The following GRK3 variants were observed in gnomAD, a reference collection of about 807,000 sequenced individuals.
GRK3 encodes the protein G protein-coupled receptor kinase 3, also known as adrenergic, beta, receptor kinase 2.
In GRK3, 54 loss-of-function variants were observed where a neutral mutation model predicts 95.7. That is an observed-to-expected ratio of 0.56 (90% CI 0.45 to 0.71). The LOEUF (loss-of-function observed/expected upper bound fraction) is 0.71. Among genes scored for constraint, GRK3 ranks in the 30% least tolerant of loss-of-function variants. The pLI, the probability that GRK3 is intolerant of heterozygous loss-of-function variation, is 0.00. For synonymous variants in GRK3, 281 were observed against 290.8 expected (o/e 0.97, Z 0.34); for missense variants, 649 against 851.2 (o/e 0.76, Z 2.96).
At position 25,674,508 on chromosome 22, in the gene GRK3, G is replaced by T; in HGVS notation, c.627G>T (p.Arg209Ser). ...RGGFGEVYGC[R>S]KADTGKMYAM... ...GATTCGGGGAAGTTTATGGTTGCAGGAAAGCAGACACTGGAAAAATGTAAG... is the reference window on the plus strand; with the variant it reads ...GATTCGGGGAAGTTTATGGTTGCAGTAAAGCAGACACTGGAAAAATGTAAG... Residue 209 changes from arginine to serine, a missense_variant, in exon 8 of 21, where the codon AGG becomes AGT. Transcript: ENST00000324198. The T allele has an allele frequency of 6.2e-7, 1 of 1,613,562 alleles. No homozygotes were observed. The highest frequency in any genetic ancestry group is 8.5e-7 in the Non-Finnish European group (1 of 1,179,486).
chr22:25,661,814 C>T (rs1435452192), intron 4 of GRK3, 137 bp downstream of exon 4: 11 of 508,244 alleles, frequency 2.2e-5, no homozygotes, highest in Middle Eastern at 5.2e-4. Context: ...CCTATTTCTT[C>T]TGCTTTGTTG....
intron 15 of GRK3, among the ~76,000 whole-genome samples, chr22:25,706,645 C>G (rs1035558036): frequency 6.6e-6 from 1 of 152,160 alleles, no homozygotes; most frequent in Admixed American, 6.5e-5. Flanking sequence ...ATTCTCCTGC[C>G]TCAGCTTCCC....
At chr22:25,679,310 C>T (rs1055147280) in intron 9 of GRK3, among the ~76,000 whole-genome samples, 4 of 152,146 alleles carry the variant, frequency 2.6e-5, no homozygotes, top group Admixed American at 1.3e-4. Flanking sequence ...TCGAGAGAAG[C>T]GACTTGGATT....
At chr22:25,639,498 A>T (rs995573967) in intron 2 of GRK3, among the ~76,000 whole-genome samples, 4 of 152,170 alleles carry the variant, frequency 2.6e-5, no homozygotes, top group African/African-American at 9.6e-5. Flanking sequence ...TGTTCCAGTG[A>T]TTTAATCTAA....
intron 12 of GRK3, among the ~76,000 whole-genome samples, chr22:25,694,423 G>A (rs1002054109): frequency 1.3e-5 from 2 of 152,222 alleles, no homozygotes; most frequent in Admixed American, 1.3e-4. Context: ...ATTGCAGATG[G>A]TGCAGATTAT....
At chr22:25,609,293 A>G (rs137915840) in intron 2 of GRK3, among the ~76,000 whole-genome samples, 2,296 of 152,080 alleles carry the variant, frequency 0.015, 30 homozygotes, top group Admixed American at 0.023. Flanking sequence ...CACTCCTGTT[A>G]GAGGAGCATG....
At chr22:25,718,432 A>C (rs1310526263) in intron 19 of GRK3, 51 bp downstream of exon 19, 5 of 1,586,988 alleles carry the variant, frequency 3.2e-6, no homozygotes, top group Middle Eastern at 1.7e-4. Context: ...GTACAATGGC[A>C]TATGGTTATT....
chr22:25,718,196 C>T lies in GRK3; in HGVS notation c.1655-49C>T. The T allele has an allele frequency of 1.9e-6, 3 of 1,579,342 alleles. No homozygotes were observed. The South Asian group carries it at 3.4e-5, about 18-fold the overall frequency. Reference sequence around the variant, plus strand: ...TTTTCAGAGAATAATGCTGCTAAGACATTTTGTTTCAGAGCCTATTTAACT... The same window carrying T: ...TTTTCAGAGAATAATGCTGCTAAGATATTTTGTTTCAGAGCCTATTTAACT... On this transcript the variant is annotated intron_variant, in intron 18 of 20. Coordinates refer to ENST00000324198, the MANE Select transcript of GRK3 (RefSeq NM_005160.4).
intron 1 of GRK3, among the ~76,000 whole-genome samples, chr22:25,578,744 A>G (rs552343110): frequency 1.2e-4 from 18 of 152,192 alleles, no homozygotes; most frequent in African/African-American, 3.9e-4. Flanking sequence ...AGGCAAGGAA[A>G]TGGCCTGTCC....
In GRK3 at chr22:25,727,579, T is replaced by G. The variant is rs990946298; in HGVS notation, c.*5129T>G. ...AAAACACAAACTACAGAAAATGGGT[T>G]AAGAGTATACGCATTTCATCAAACA... On this transcript the variant is annotated 3_prime_UTR_variant, in exon 21 of 21. Coordinates refer to ENST00000324198, the MANE Select transcript of GRK3 (RefSeq NM_005160.4). 4 of 152,210 alleles carry G rather than the reference T, an allele frequency of 2.6e-5. No homozygotes were observed. Among genetic ancestry groups the G allele is most frequent in the African/African-American group, 7.2e-5 (3 of 41,458 alleles). The allele number at this position is 152,210 out of a possible 1,614,324, so 9.4% of individuals were successfully genotyped here. A position where few individuals can be genotyped will look rare whatever the true frequency, so the allele number is the denominator to read the frequency against.
rs531778330 is a variant in GRK3, at chr22:25,624,340, G to A, written c.190+19887G>A. Among the ~76,000 whole-genome samples, 6 of 152,156 alleles carry A rather than the reference G, an allele frequency of 3.9e-5. No homozygotes were observed. In the East Asian group the frequency reaches 1.2e-3, roughly 29 times the overall value. ...GCACTTTGGGAGGCCGAGGCGGGCG[G>A]ATCACGAGGTCAGGAGATCGAGACC... On this transcript the variant is annotated intron_variant, in intron 2 of 20. Transcript: ENST00000324198.
intron 10 of GRK3, among the ~76,000 whole-genome samples, chr22:25,686,084 T>G (rs2085111210): frequency 6.8e-6 from 1 of 147,820 alleles, no homozygotes; most frequent in African/African-American, 2.5e-5. Flanking sequence ...TAGCCGGGGG[T>G]GGTGGTGGGC....
In GRK3 at chr22:25,717,239, T is replaced by G. The variant is rs537634307; in HGVS notation, c.1655-1006T>G. ...ACTTGAACATCTACTGATTTCGGTG[T>G]CTGCTGGGGTCCTGGAACCTACCCC... is the stretch of plus-strand genomic sequence containing the variant. On this transcript the variant is annotated intron_variant, in intron 18 of 20. Coordinates refer to ENST00000324198, the MANE Select transcript of GRK3 (RefSeq NM_005160.4). Among the ~76,000 whole-genome samples, 3 of 152,272 alleles carry G rather than the reference T, an allele frequency of 2.0e-5. No individual in the cohort carries two copies. In the South Asian group the frequency reaches 6.2e-4, roughly 32 times the overall value.
chr22:25,603,604 A>G (rs1037398030), intron 1 of GRK3, among the ~76,000 whole-genome samples: 1 of 152,116 alleles, frequency 6.6e-6, no homozygotes, highest in African/African-American at 2.4e-5. Context: ...TTTTTGTATA[A>G]ATTTTAGAAA....
intron 2 of GRK3, among the ~76,000 whole-genome samples, chr22:25,626,836 G>T (rs1429376650): frequency 6.6e-6 from 1 of 152,220 alleles, no homozygotes; most frequent in Non-Finnish European, 1.5e-5. Context: ...GGTTGGCAGT[G>T]GCACCCATAC....
intron 1 of GRK3, among the ~76,000 whole-genome samples, chr22:25,576,791 A>G (rs183497370): frequency 6.6e-6 from 1 of 152,318 alleles, no homozygotes; most frequent in East Asian, 1.9e-4. Flanking sequence ...GAGCACTGTC[A>G]ATTTCAGACG....
At position 25,712,536 on chromosome 22, in the gene GRK3, A is replaced by AT. The variant is rs113620858; in HGVS notation, c.1491+1379dup. ...CACTATTACGTGGGTGCCCACAAAC[A>AT]TTTTTTAATGTTAAAAAGAGATGAT... On this transcript the variant is annotated intron_variant, in intron 17 of 20. Transcript: ENST00000324198. Among the ~76,000 whole-genome samples, 795 of 152,366 alleles carry AT rather than the reference A, an allele frequency of 5.2e-3. 7 individuals are homozygous for AT. The highest frequency in any genetic ancestry group is 0.019 in the African/African-American group (771 of 41,580).
At chr22:25,604,261 G>C (rs780283391) in intron 1 of GRK3, 116 bp from the exon 2 acceptor site, 3 of 690,398 alleles carry the variant, frequency 4.3e-6, no homozygotes, top group Non-Finnish European at 2.3e-6. Flanking sequence ...GTTGTGGCAA[G>C]AAGGGTCTCT....
chr22:25,574,683 G>A (rs1390792748), intron 1 of GRK3, among the ~76,000 whole-genome samples: 1 of 152,102 alleles, frequency 6.6e-6, no homozygotes, highest in Non-Finnish European at 1.5e-5. Flanking sequence ...AAAATGGAAC[G>A]AATCCTAATG....
Sources: allele counts gnomAD v4.1 joint callset (sites outside exome capture counted in the v4.1 genomes callset), GRCh38; gene constraint gnomAD v4.1.1; transcripts MANE v1.5; gene names NCBI Gene and HGNC (gene_info 2026-07-23, HGNC 2026-07-21).